The following FLNB variants were observed in gnomAD, a reference collection of about 807,000 sequenced individuals.
The protein encoded by FLNB is filamin-B.
Under a neutral mutation model 250.6 loss-of-function variants are expected in FLNB, and 111 were observed. The observed-to-expected ratio is 0.44, with a 90% CI of 0.38 to 0.52. The LOEUF (loss-of-function observed/expected upper bound fraction) is 0.52, where lower values mean the gene tolerates loss of function less well. Among genes scored for constraint, FLNB ranks in the 20% least tolerant of loss-of-function variants. FLNB has a pLI of 0.00. For missense variants in FLNB, 2,869 were observed against 3,447.8 expected (o/e 0.83, Z 4.20); for synonymous variants, 1,302 against 1,372.1 (o/e 0.95, Z 1.13).
At position 58,030,523 on chromosome 3, in the gene FLNB, G is replaced by A. The variant is rs186771297; in HGVS notation, c.292+21667G>A. Among the ~76,000 whole-genome samples the A allele has an allele frequency of 4.4e-3, 677 of 152,216 alleles. 4 individuals are homozygous for A. The highest frequency in any genetic ancestry group is 0.016 in the African/African-American group (652 of 41,540). On this transcript the variant is annotated intron_variant, in intron 1 of 45. Coordinates refer to ENST00000295956, the MANE Select transcript of FLNB (RefSeq NM_001457.4). ...CCCAGAGCCAGGGATGGATGGAGTC[G>A]CTTCTTTTGAGGCCCATGGGTCCTA...
At position 58,142,160 on chromosome 3, in the gene FLNB, C is replaced by T. The variant is rs1415801793; in HGVS notation, c.5181+231C>T. On this transcript the variant is annotated intron_variant, in intron 30 of 45. Coordinates refer to ENST00000295956, the MANE Select transcript of FLNB (RefSeq NM_001457.4). This position sits in a 1 kb window ranked among gnomAD's most constrained non-coding sequence, Gnocchi z 4.3. ...CAGCCGTCGTGTCTGTGATCACGCT[C>T]GGTGCAGTTTGTCTCTGTGTTTAAA... is the stretch of plus-strand genomic sequence containing the variant. 6.6e-6 allele frequency among the ~76,000 whole-genome samples: 1 copy of T among 152,172 alleles called. No homozygotes were observed. The highest frequency in any genetic ancestry group is 2.4e-5 in the African/African-American group (1 of 41,432).
At chr3:58,084,053 G>A (rs9858773) in intron 4 of FLNB, among the ~76,000 whole-genome samples, 1,739 of 152,034 alleles carry the variant, frequency 0.011, 36 homozygotes, top group African/African-American at 0.04. Flanking sequence ...TTAGCTTGGC[G>A]TGGTGGTACA....
chr3:58,094,007 G>T (rs902397242), intron 4 of FLNB, among the ~76,000 whole-genome samples: 8 of 152,206 alleles, frequency 5.3e-5, no homozygotes, highest in African/African-American at 9.6e-5. Flanking sequence ...AGGGCTCCCT[G>T]TGCTAAAGGG....
intron 8 of FLNB, among the ~76,000 whole-genome samples, chr3:58,101,885 C>T (rs112543269): frequency 2.6e-5 from 4 of 152,310 alleles, no homozygotes; most frequent in African/African-American, 9.6e-5. Flanking sequence ...GTCCAGCACT[C>T]GGCCTTAACT....
rs774230791 is a variant in FLNB at position 58,152,719 on chromosome 3, A to G, written c.6368-656A>G. 5 of 1,325,936 alleles carry G rather than the reference A, an allele frequency of 3.8e-6. No homozygotes were observed. In the Admixed American group the frequency reaches 7.9e-5, roughly 21 times the overall value. The allele number at this position is 1,325,936 out of a possible 1,614,324, so 82.1% of individuals were successfully genotyped here. A position where few individuals can be genotyped will look rare whatever the true frequency, so the allele number is the denominator to read the frequency against. On this transcript the variant is annotated intron_variant, in intron 38 of 45. Transcript: ENST00000295956. ...TTTTCTGTCCTCAGGGGTCAGAGTC[A>G]TGAACTGCTCTGCCCAGATCCTGTG...
intron 32 of FLNB, 101 bp downstream of exon 32, chr3:58,143,714 G>C: frequency 6.9e-7 from 1 of 1,447,018 alleles, no homozygotes; most frequent in Non-Finnish European, 9.6e-7. Flanking sequence ...GCTCTCGGCA[G>C]CAGGCTGGAG....
intron 9 of FLNB, among the ~76,000 whole-genome samples, chr3:58,103,265 G>GGTGTGTGTGTGTGTGTGTGTGTGTGT (rs10571409): frequency 1.3e-5 from 2 of 148,174 alleles, no homozygotes; most frequent in Admixed American, 6.7e-5. Context: ...AGCCAAGGAG[G>GGTGTGTGTGTGTGTGTGTGTGTGTGT]GTGTGTGTGT....
At chr3:58,131,287 C>A (rs934464220) in intron 25 of FLNB, among the ~76,000 whole-genome samples, 1 of 152,094 alleles carries the variant, frequency 6.6e-6, no homozygotes, top group African/African-American at 2.4e-5. Context: ...ATCTTGGTGT[C>A]CATGTGGTAC....
chr3:58,153,032 TG>T (rs1164769273), intron 38 of FLNB, among the ~76,000 whole-genome samples: 1 of 152,272 alleles, frequency 6.6e-6, no homozygotes, highest in East Asian at 1.9e-4. Flanking sequence ...TTTGTCTTGT[TG>T]CCTAAAAGAA....
rs1232612390 is a variant in FLNB at position 58,097,905 on chromosome 3, G to A, written c.1075G>A (p.Ala359Thr). The A allele has an allele frequency of 6.2e-7, 1 of 1,614,080 alleles. No individual in the cohort carries two copies. Among genetic ancestry groups the A allele is most frequent in the African/African-American group, 1.3e-5 (1 of 74,938 alleles). Reference sequence around the variant, plus strand: ...CCAGGGAGATGCCAGTAAAGTCACTGCAAAAGGTCCAGGGTTGGAAGCTGT... The same window carrying A: ...CCAGGGAGATGCCAGTAAAGTCACTACAAAAGGTCCAGGGTTGGAAGCTGT... ...KAQGDASKVT[A>T]KGPGLEAVGN... The change falls in exon 7 of 46, where the codon GCA (alanine) becomes ACA (threonine). Residue 359 changes from alanine (A) to threonine (T), a missense_variant. Physicochemically the swap from Ala to Thr is moderately conservative, Grantham distance 58. This residue lies in a region of FLNB where 308 missense variants were observed against 466.1 expected (regional missense o/e 0.66). Coordinates refer to ENST00000295956, the MANE Select transcript of FLNB (RefSeq NM_001457.4).
Position 58,149,730 on chromosome 3 carries a change from T to C in FLNB, c.6092-120T>C, listed in dbSNP as rs2097341685. On this transcript the variant is annotated intron_variant, in intron 36 of 45. Transcript: ENST00000295956. The stretch of plus-strand genomic sequence containing the variant: ...GCTTTGCAAACGAGGCCGCCATTGC[T>C]TTCTTTCTGCTATGTAGAAATAGAT... 55 of 1,345,382 alleles carry C rather than the reference T, an allele frequency of 4.1e-5. No homozygotes were observed. In the South Asian group the frequency reaches 6.3e-4, roughly 15 times the overall value. 83.3% of individuals were successfully genotyped at this position (1,345,382 alleles called of 1,614,324 possible). A position where few individuals can be genotyped will look rare whatever the true frequency, so the allele number is the denominator to read the frequency against.
chr3:58,115,244 C>T (rs573089802), intron 18 of FLNB, among the ~76,000 whole-genome samples: 18 of 152,256 alleles, frequency 1.2e-4, no homozygotes, highest in Admixed American at 9.2e-4. Context: ...GGGTGCACCA[C>T]GCTGAATCTT....
At chr3:58,155,308 A>G (rs868714410) in intron 40 of FLNB, among the ~76,000 whole-genome samples, 1 of 152,272 alleles carries the variant, frequency 6.6e-6, no homozygotes, top group Non-Finnish European at 1.5e-5. Flanking sequence ...GACTCTTGCC[A>G]TCTGGCGAAG....
At chr3:58,130,617 C>G in intron 24 of FLNB, 124 bp from the exon 25 acceptor site, 1 of 854,696 alleles carries the variant, frequency 1.2e-6, no homozygotes, top group Non-Finnish European at 1.9e-6. Flanking sequence ...CACAGTGAGG[C>G]AGGGGGAGCT....
chr3:58,042,965 G>T (rs9828322), intron 1 of FLNB, among the ~76,000 whole-genome samples: 1 of 152,010 alleles, frequency 6.6e-6, no homozygotes, highest in African/African-American at 2.4e-5. Context: ...GGGCCATGTC[G>T]TGCTGTTGAG....
intron 1 of FLNB, among the ~76,000 whole-genome samples, chr3:58,034,709 C>A (rs577240669): frequency 6.6e-6 from 1 of 152,284 alleles, no homozygotes; most frequent in African/African-American, 2.4e-5. Flanking sequence ...CATTGGCTCT[C>A]GTAACTGAAA....
At chr3:58,065,997 G>T (rs1300117192) in intron 1 of FLNB, among the ~76,000 whole-genome samples, 1 of 152,158 alleles carries the variant, frequency 6.6e-6, no homozygotes, top group Non-Finnish European at 1.5e-5. Context: ...CCTCTTGGGG[G>T]CTGGGCTCTG....
At chr3:58,118,497 G>C (rs1174476496) in intron 18 of FLNB, among the ~76,000 whole-genome samples, 3 of 152,144 alleles carry the variant, frequency 2.0e-5, no homozygotes, top group African/African-American at 2.4e-5. Context: ...GTGTGACTTG[G>C]GGCACGTTCC....
At chr3:58,036,743 G>A (rs2097138634) in intron 1 of FLNB, among the ~76,000 whole-genome samples, 1 of 152,156 alleles carries the variant, frequency 6.6e-6, no homozygotes, top group Admixed American at 6.5e-5. Flanking sequence ...TTTGGGAAAG[G>A]GCTATTAGCA....
Sources: allele counts gnomAD v4.1 joint callset (sites outside exome capture counted in the v4.1 genomes callset), GRCh38; gene constraint gnomAD v4.1.1; regional missense constraint gnomAD v4.1.1; non-coding constraint Gnocchi (gnomAD v3.1); transcripts MANE v1.5; gene names NCBI Gene and HGNC (gene_info 2026-07-23, HGNC 2026-07-21).